The following SORCS3 variants were observed in gnomAD, a reference collection of about 807,000 sequenced individuals.
The protein encoded by SORCS3 is sortilin related VPS10 domain containing receptor 3, also known as VPS10 domain-containing receptor SorCS3.
In SORCS3, 57 loss-of-function variants were observed where a neutral mutation model predicts 146.3. The ratio of observed to expected loss-of-function variants is 0.39; its 90% CI spans 0.31 to 0.49. The LOEUF (loss-of-function observed/expected upper bound fraction) is 0.49, where lower values mean the gene tolerates loss of function less well. Ranked by LOEUF, SORCS3 falls within the 20% of genes least tolerant of loss-of-function variation. SORCS3 has a pLI of 0.92. For missense variants in SORCS3, 1,341 were observed against 1,575.5 expected, an observed-to-expected ratio of 0.85 and a Z score of 2.52; for synonymous variants, 653 against 618.5, an observed-to-expected ratio of 1.06 and a Z score of -0.83.
At chr10:105,240,126 G>C (rs1323598466) in intron 20 of SORCS3, among the ~76,000 whole-genome samples, 2 of 152,126 alleles carry the variant, frequency 1.3e-5, no homozygotes, top group Non-Finnish European at 2.9e-5. Context: ...CTGCACCCTT[G>C]CTGGGCCCTG....
At chr10:105,193,615 A>G (rs1461989287) in intron 14 of SORCS3, among the ~76,000 whole-genome samples, 2 of 152,212 alleles carry the variant, frequency 1.3e-5, no homozygotes, top group Admixed American at 6.5e-5. Flanking sequence ...CCTGTAGGCT[A>G]TTTCTGCAAC....
intron 4 of SORCS3, among the ~76,000 whole-genome samples, chr10:105,034,922 A>G (rs1428769494): frequency 6.6e-6 from 1 of 152,186 alleles, no homozygotes; most frequent in Non-Finnish European, 1.5e-5. Flanking sequence ...TAGGATTCTA[A>G]TTGCCATAGG....
chr10:104,896,002 G>A (rs563234959), intron 2 of SORCS3, among the ~76,000 whole-genome samples: 17 of 152,210 alleles, frequency 1.1e-4, no homozygotes, highest in Non-Finnish European at 2.4e-4. Flanking sequence ...AGAAGATAAT[G>A]TCTCCCTTTA....
At chr10:104,938,790 C>A (rs147638990) in intron 3 of SORCS3, among the ~76,000 whole-genome samples, 1 of 152,278 alleles carries the variant, frequency 6.6e-6, no homozygotes, top group African/African-American at 2.4e-5. Flanking sequence ...TAATGTCTTG[C>A]AGGCTGTCAC....
At chr10:104,984,055 C>T (rs1485139403) in intron 4 of SORCS3, among the ~76,000 whole-genome samples, 1 of 152,108 alleles carries the variant, frequency 6.6e-6, no homozygotes, top group Non-Finnish European at 1.5e-5. Context: ...TCAGCCACTA[C>T]CTTCCACCCT....
At chr10:105,174,753 T>C (rs1307124680) in intron 13 of SORCS3, among the ~76,000 whole-genome samples, 1 of 152,146 alleles carries the variant, frequency 6.6e-6, no homozygotes, top group Non-Finnish European at 1.5e-5. Flanking sequence ...ATCCGCTCTT[T>C]CCTCTAGCAG....
rs547047788 is a variant in SORCS3 at position 104,881,419 on chromosome 10, A to C, written c.696-34414A>C. On this transcript the variant is annotated intron_variant, in intron 2 of 26. Coordinates refer to ENST00000369701, the MANE Select transcript of SORCS3 (RefSeq NM_014978.3). ...AAGAAGCCCGTTAGTAATGCATAGA[A>C]TGATACTTTTTAATCAGAATATTAA... 4.6e-5 allele frequency among the ~76,000 whole-genome samples: 7 copies of C among 152,348 alleles called. No homozygotes were observed. In the South Asian group the frequency reaches 1.5e-3, roughly 32 times the overall value.
At chr10:104,880,527 G>T (rs2018620084) in intron 2 of SORCS3, among the ~76,000 whole-genome samples, 1 of 152,160 alleles carries the variant, frequency 6.6e-6, no homozygotes, top group East Asian at 1.9e-4. Flanking sequence ...AGGATTAAAA[G>T]TCTGCTTTGT....
chr10:105,097,248 A>G (rs703478), intron 6 of SORCS3, among the ~76,000 whole-genome samples: 143,028 of 152,338 alleles, frequency 0.94, 67,263 homozygotes, highest in East Asian at 1. Context: ...CCTGAATTAA[A>G]CTGAAAGCAT....
chr10:105,242,670 T>TTA (rs1325137933), intron 20 of SORCS3, among the ~76,000 whole-genome samples: 1 of 101,332 alleles, frequency 9.9e-6, no homozygotes, highest in African/African-American at 4.1e-5. Context: ...TTATATATAT[T>TTA]TATATATATT....
chr10:105,065,233 G>C (rs1419871424), intron 5 of SORCS3, among the ~76,000 whole-genome samples: 1 of 152,154 alleles, frequency 6.6e-6, no homozygotes, highest in Non-Finnish European at 1.5e-5. Flanking sequence ...TACCTAAAGG[G>C]TGAGAAGTTT....
rs562455492 is a variant in SORCS3 at position 105,106,706 on chromosome 10, G to A, written c.1212+1191G>A. ...TAGTAAAATACAGGAAAAGTAGCTA[G>A]CCACTCAAAAACCATCTTCGATGAG... On this transcript the variant is annotated intron_variant, in intron 7 of 26. Transcript: ENST00000369701. 2.8e-4 allele frequency among the ~76,000 whole-genome samples: 42 copies of A among 152,260 alleles called. No homozygotes were observed. In the South Asian group the frequency reaches 4.6e-3, roughly 17 times the overall value.
intron 20 of SORCS3, among the ~76,000 whole-genome samples, chr10:105,240,727 T>A (rs1361191558): frequency 6.6e-6 from 1 of 152,148 alleles, no homozygotes; most frequent in East Asian, 1.9e-4. Context: ...TACTGAGTTT[T>A]GGAAAAGACA....
At chr10:105,197,418 A>T (rs2056549945) in intron 14 of SORCS3, among the ~76,000 whole-genome samples, 2 of 152,164 alleles carry the variant, frequency 1.3e-5, no homozygotes, top group South Asian at 4.1e-4. Context: ...CTTCACCACC[A>T]CTACCAAAGC....
chr10:105,104,309 T>G (rs906420792), intron 6 of SORCS3, among the ~76,000 whole-genome samples: 14 of 152,208 alleles, frequency 9.2e-5, no homozygotes, highest in African/African-American at 3.4e-4. Context: ...ATGAATAACC[T>G]TTTTTAAAGC....
chr10:104,740,130 G>A lies in SORCS3; in HGVS notation c.627+98176G>A, dbSNP rs114486196. Among the ~76,000 whole-genome samples, 334 of 152,242 alleles carry A rather than the reference G, an allele frequency of 2.2e-3. 1 individual carries two copies. Among genetic ancestry groups the A allele is most frequent in the African/African-American group, 7.5e-3 (313 of 41,536 alleles). On this transcript the variant is annotated intron_variant, in intron 1 of 26. Transcript: ENST00000369701. Reference sequence around the variant, plus strand: ...GTATGCATTTACAATTTTGCAGTGCGTACTAACAAAGGCAAACTCAGTGAT... The same window carrying A: ...GTATGCATTTACAATTTTGCAGTGCATACTAACAAAGGCAAACTCAGTGAT...
chr10:104,733,361 T>A (rs930479560), intron 1 of SORCS3, among the ~76,000 whole-genome samples: 1 of 152,118 alleles, frequency 6.6e-6, no homozygotes, highest in African/African-American at 2.4e-5. Flanking sequence ...AATTTTTTTT[T>A]ATTTTTTAGA....
chr10:105,015,700 T>G lies in SORCS3; in HGVS notation c.955-27355T>G, dbSNP rs543125197. ...GTTCAGGAAGAATCATGGAGATAGC[T>G]TCAATGGAAGAAGTAAGGTTCTACT... On this transcript the variant is annotated intron_variant, in intron 4 of 26. Transcript: ENST00000369701. Among the ~76,000 whole-genome samples, 120 of 152,208 alleles carry G rather than the reference T, an allele frequency of 7.9e-4. 1 individual carries two copies. In the South Asian group the frequency reaches 0.015, roughly 19 times the overall value.
chr10:104,648,489 A>G (rs1161761353), intron 1 of SORCS3, among the ~76,000 whole-genome samples: 3 of 152,126 alleles, frequency 2.0e-5, no homozygotes, highest in Non-Finnish European at 4.4e-5. Context: ...GGCTAGTTAG[A>G]GAGATTTAGG....
Sources: gnomAD v4.1 joint callset for allele counts (sites outside exome capture counted in the v4.1 genomes callset) on GRCh38, gnomAD v4.1.1 for gene constraint, MANE v1.5 for transcripts, NCBI Gene and HGNC (gene_info 2026-07-23, HGNC 2026-07-21) for gene names.